Variants in PHACTR3 observed in about 807,000 individuals in gnomAD.
The protein encoded by PHACTR3 is protein phosphatase 1, regulatory subunit 123.
Under a neutral mutation model 66.8 loss-of-function variants are expected in PHACTR3, and 16 were observed. The ratio of observed to expected loss-of-function variants is 0.24; its 90% confidence interval spans 0.16 to 0.36. PHACTR3 has a LOEUF of 0.36. Among genes scored for constraint, PHACTR3 ranks in the 10% least tolerant of loss-of-function variants. The pLI is 1.00. For missense variants in PHACTR3, 647 were observed against 719.9 expected (o/e 0.90, Z 1.16); for synonymous variants, 323 against 292.1 (o/e 1.11, Z -1.08).
intron 8 of PHACTR3, among the ~76,000 whole-genome samples, chr20:59,835,329 C>A (rs2042496722): frequency 6.6e-6 from 1 of 152,146 alleles, no homozygotes; most frequent in South Asian, 2.1e-4. Context: ...GTGGAAGCAA[C>A]CACCCACAGA....
chr20:59,773,544 T>C, intron 6 of PHACTR3, 91 bp downstream of exon 6: 1 of 1,325,146 alleles, frequency 7.5e-7, no homozygotes, highest in Non-Finnish European at 1.0e-6. Context: ...GCCCAGGGCC[T>C]TGGCTGGGTG....
intron 7 of PHACTR3, among the ~76,000 whole-genome samples, chr20:59,777,007 G>A (rs887346786): frequency 6.6e-6 from 1 of 152,212 alleles, no homozygotes; most frequent in African/African-American, 2.4e-5. Flanking sequence ...TTACTCTTCT[G>A]CAGTTCTAGA....
intron 1 of PHACTR3, among the ~76,000 whole-genome samples, chr20:59,611,486 A>AGG (rs938577143): frequency 6.6e-6 from 1 of 152,238 alleles, no homozygotes; most frequent in African/African-American, 2.4e-5. Flanking sequence ...TGATCTGGCT[A>AGG]GGGGCCAGGC....
chr20:59,697,732 C>T (rs2037352335), intron 1 of PHACTR3, among the ~76,000 whole-genome samples: 1 of 152,114 alleles, frequency 6.6e-6, no homozygotes, highest in Non-Finnish European at 1.5e-5. Flanking sequence ...AAGAGATTGA[C>T]AAAAAAATTT....
chr20:59,798,539 A>G (rs2041319861), intron 7 of PHACTR3, among the ~76,000 whole-genome samples: 1 of 152,224 alleles, frequency 6.6e-6, no homozygotes, highest in East Asian at 1.9e-4. Context: ...TTTAATAAAT[A>G]TAGGTCCATT....
chr20:59,751,124 C>A (rs536820945), intron 3 of PHACTR3, among the ~76,000 whole-genome samples: 1 of 152,324 alleles, frequency 6.6e-6, no homozygotes, highest in Non-Finnish European at 1.5e-5. Context: ...CGCAGTGCCG[C>A]CGCCTCTGCT....
chr20:59,810,090 CA>C (rs58039859), intron 8 of PHACTR3, among the ~76,000 whole-genome samples: 68,779 of 151,124 alleles, frequency 0.46, 16,724 homozygotes, highest in African/African-American at 0.65. Context: ...ATCTAAACAA[CA>C]AAAAAAAAGG....
chr20:59,589,255 C>T (rs1047117012), intron 1 of PHACTR3, among the ~76,000 whole-genome samples: 8 of 152,210 alleles, frequency 5.3e-5, no homozygotes, highest in African/African-American at 1.4e-4. Flanking sequence ...GGGCGAAGGC[C>T]GGTGAGGGCG....
chr20:59,658,328 C>CT (rs1038594968), intron 1 of PHACTR3, among the ~76,000 whole-genome samples: 1 of 150,878 alleles, frequency 6.6e-6, no homozygotes, highest in Admixed American at 6.6e-5. Context: ...CTTTTGAATG[C>CT]TTTTTTTTAA....
intron 1 of PHACTR3, among the ~76,000 whole-genome samples, chr20:59,641,277 C>A (rs4444602): frequency 0.72 from 109,058 of 151,592 alleles, 39,369 homozygotes; most frequent in East Asian, 0.91. Context: ...ATCCATTCAT[C>A]CATTGTCTGT....
intron 11 of PHACTR3, chr20:59,844,240 T>C (rs557146209): frequency 3.4e-4 from 52 of 152,290 alleles, no homozygotes; most frequent in African/African-American, 1.1e-3. Flanking sequence ...GCAGCCATTA[T>C]GGAAAACAGT....
At chr20:59,665,027 G>T (rs753453519) in intron 1 of PHACTR3, among the ~76,000 whole-genome samples, 1 of 152,054 alleles carries the variant, frequency 6.6e-6, no homozygotes, top group Non-Finnish European at 1.5e-5. Context: ...TGATTTATTT[G>T]GTTTTATTTT....
intron 4 of PHACTR3, among the ~76,000 whole-genome samples, chr20:59,758,272 A>T (rs1230826589): frequency 6.6e-6 from 1 of 152,222 alleles, no homozygotes; most frequent in Non-Finnish European, 1.5e-5. Context: ...TCAATTAATA[A>T]TGAAAAAGTT....
rs1384945664 is a variant in PHACTR3 at position 59,821,342 on chromosome 20, C to G, written c.1328+15148C>G. Among the ~76,000 whole-genome samples, 3 of 152,202 alleles carry G rather than the reference C, an allele frequency of 2.0e-5. No individual in the cohort carries two copies. In the East Asian group the frequency reaches 5.8e-4, roughly 29 times the overall value. On this transcript the variant is annotated intron_variant, in intron 8 of 12. Coordinates refer to ENST00000371015, the MANE Select transcript of PHACTR3 (RefSeq NM_080672.5). Reference sequence around the variant, plus strand: ...TCAACAAGGACGCAGACTCCTCTTACCTTCCTGCTATTTACCCTTATGCCG... The same window carrying G: ...TCAACAAGGACGCAGACTCCTCTTAGCTTCCTGCTATTTACCCTTATGCCG...
chr20:59,581,812 C>CA (rs1242361545), intron 1 of PHACTR3, among the ~76,000 whole-genome samples: 15 of 151,262 alleles, frequency 9.9e-5, no homozygotes, highest in African/African-American at 3.4e-4. Flanking sequence ...ACCCGGTAGG[C>CA]GGAGCTTGCA....
chr20:59,790,570 G>T (rs2041060194), intron 7 of PHACTR3, among the ~76,000 whole-genome samples: 2 of 152,222 alleles, frequency 1.3e-5, no homozygotes, highest in Admixed American at 1.3e-4. Flanking sequence ...TAAATGATGG[G>T]ATTATGTGAT....
intron 1 of PHACTR3, among the ~76,000 whole-genome samples, chr20:59,624,490 G>A (rs1215480928): frequency 6.6e-6 from 1 of 152,158 alleles, no homozygotes; most frequent in East Asian, 1.9e-4. Context: ...TGCCGCTGAT[G>A]CTGCTGATCT....
intron 1 of PHACTR3, among the ~76,000 whole-genome samples, chr20:59,639,510 G>A (rs752641980): frequency 2.6e-5 from 4 of 152,076 alleles, no homozygotes; most frequent in African/African-American, 9.7e-5. Context: ...TTCTCCCCAC[G>A]TTCCTACCTT....
rs1326163482 is a variant in PHACTR3 at position 59,799,719 on chromosome 20, C to A, written c.1175-6322C>A. Among the ~76,000 whole-genome samples the A allele has an allele frequency of 2.0e-5, 3 of 152,068 alleles. No homozygotes were observed. In the East Asian group the frequency reaches 5.8e-4, roughly 29 times the overall value. On this transcript the variant is annotated intron_variant, in intron 7 of 12. Transcript: ENST00000371015. Reference sequence around the variant, plus strand: ...GTTCTTTATATATAAGACTTGTTGGCAGCACATAGTTTTGTCTCATGTTTT... The same window carrying A: ...GTTCTTTATATATAAGACTTGTTGGAAGCACATAGTTTTGTCTCATGTTTT...
Sources: gnomAD v4.1 joint callset for allele counts (sites outside exome capture counted in the v4.1 genomes callset) on GRCh38, gnomAD v4.1.1 for gene constraint, MANE v1.5 for transcripts, NCBI Gene and HGNC (gene_info 2026-07-23, HGNC 2026-07-21) for gene names.